ASAP2: variants seen among roughly 807,000 people sequenced by gnomAD.
ASAP2 encodes arf-GAP with SH3 domain, ANK repeat and PH domain-containing protein 2.
ASAP2 carries 45 observed loss-of-function variants against 131.4 expected under a neutral mutation model. The observed-to-expected ratio is 0.34, with a 90% CI of 0.27 to 0.44. The LOEUF (loss-of-function observed/expected upper bound fraction) is 0.44, where lower values mean the gene tolerates loss of function less well. Among genes scored for constraint, ASAP2 ranks in the 20% least tolerant of loss-of-function variants. The pLI is 1.00. For missense variants in ASAP2, 1,011 were observed against 1,297.0 expected, an observed-to-expected ratio of 0.78 and a Z score of 3.39; for synonymous variants, 510 against 503.0, an observed-to-expected ratio of 1.01 and a Z score of -0.19.
Position 9,232,832 on chromosome 2 carries a change from G to A in ASAP2, c.126+25602G>A, listed in dbSNP as rs897176736. ...CTTGATTCTTAGAGGGTAATGGTTC[G>A]AAAGTTGAATTAGTGAGTGTAAATC... On this transcript the variant is annotated intron_variant, in intron 1 of 27. Coordinates refer to ENST00000281419, the MANE Select transcript of ASAP2 (RefSeq NM_003887.3). The surrounding 1 kb of genome is among the most constrained non-coding windows in gnomAD (Gnocchi z 4.1). 3.3e-5 allele frequency among the ~76,000 whole-genome samples: 5 copies of A among 152,134 alleles called. No individual in the cohort carries two copies. Among genetic ancestry groups the A allele is most frequent in the Non-Finnish European group, 5.9e-5 (4 of 68,016 alleles).
At chr2:9,212,205 A>G (rs1661610529) in intron 1 of ASAP2, among the ~76,000 whole-genome samples, 1 of 152,150 alleles carries the variant, frequency 6.6e-6, no homozygotes, top group African/African-American at 2.4e-5. Context: ...CAAGAAGAAT[A>G]TGTCCTCTCT....
chr2:9,335,196 T>C lies in ASAP2; in HGVS notation c.849+17T>C, dbSNP rs1671119607. 1 of 1,611,440 alleles carries C rather than the reference T, an allele frequency of 6.2e-7. No individual in the cohort carries two copies. The highest frequency in any genetic ancestry group is 1.1e-5 in the South Asian group (1 of 91,002). ...CAGAAAGAGGTGAGGGGATTTAATT[T>C]TGAAAGATTGCAGTTTTCACCCCAT... On this transcript the variant is annotated intron_variant, in intron 9 of 27. Transcript: ENST00000281419.
At chr2:9,313,271 T>G (rs1669431567) in intron 3 of ASAP2, among the ~76,000 whole-genome samples, 2 of 152,210 alleles carry the variant, frequency 1.3e-5, no homozygotes, top group Admixed American at 6.5e-5. Flanking sequence ...GTTGATCTCT[T>G]CTCACCCTAA....
At chr2:9,388,576 A>G (rs1675480689) in intron 22 of ASAP2, 30 bp downstream of exon 22, 3 of 1,596,830 alleles carry the variant, frequency 1.9e-6, no homozygotes, top group South Asian at 1.1e-5. Context: ...CCCTGTGAAT[A>G]TATAGAGGGT....
At position 9,308,734 on chromosome 2, in the gene ASAP2, C is replaced by T. The variant is rs145634845; in HGVS notation, c.346-9790C>T. Among the ~76,000 whole-genome samples the T allele has an allele frequency of 3.9e-5, 6 of 152,192 alleles. No homozygotes were observed. In the East Asian group the frequency reaches 5.8e-4, roughly 15 times the overall value. ...CTGGCTTCACTGTTCTAGCCAACTC[C>T]GCTGCTAATAGTTGTGTGATTTGGA... On this transcript the variant is annotated intron_variant, in intron 3 of 27. Transcript: ENST00000281419.
At chr2:9,356,628 G>A (rs1271338759) in intron 14 of ASAP2, among the ~76,000 whole-genome samples, 1 of 152,170 alleles carries the variant, frequency 6.6e-6, no homozygotes, top group Non-Finnish European at 1.5e-5. Flanking sequence ...AAAACTGAAG[G>A]GTACAGTGAG....
intron 3 of ASAP2, among the ~76,000 whole-genome samples, chr2:9,303,328 T>A (rs1362620125): frequency 2.0e-5 from 3 of 152,216 alleles, no homozygotes; most frequent in Non-Finnish European, 4.4e-5. Flanking sequence ...CATTTGCTTT[T>A]TAATATTCTG....
intron 1 of ASAP2, among the ~76,000 whole-genome samples, chr2:9,266,997 C>T (rs1665987415): frequency 6.6e-6 from 1 of 152,160 alleles, no homozygotes; most frequent in South Asian, 2.1e-4. Context: ...CTGAAGTTCA[C>T]TTTCATTTTG....
chr2:9,302,082 CA>C (rs1668517270), intron 3 of ASAP2, among the ~76,000 whole-genome samples: 2 of 147,974 alleles, frequency 1.4e-5, no homozygotes, highest in East Asian at 2.0e-4. Flanking sequence ...CTTGGCCTCC[CA>C]AAGTGCAGGG....
intron 19 of ASAP2, 64 bp from the exon 20 acceptor site, chr2:9,380,677 C>T: frequency 6.8e-7 from 1 of 1,468,796 alleles, no homozygotes; most frequent in Non-Finnish European, 9.5e-7. Flanking sequence ...TAAAAATTGT[C>T]CTGGATGTCA....
intron 20 of ASAP2, among the ~76,000 whole-genome samples, chr2:9,383,728 A>G (rs1007762806): frequency 6.6e-6 from 1 of 152,150 alleles, no homozygotes; most frequent in Non-Finnish European, 1.5e-5. Context: ...TTATTGCGGC[A>G]CTATTCACAA....
intron 15 of ASAP2, among the ~76,000 whole-genome samples, chr2:9,361,607 A>T (rs1673084682): frequency 6.6e-6 from 1 of 150,406 alleles, no homozygotes; most frequent in Non-Finnish European, 1.5e-5. Context: ...TCACTCCATG[A>T]CCCAGGCTGG....
chr2:9,249,984 G>T (rs1355992535), intron 1 of ASAP2, among the ~76,000 whole-genome samples: 1 of 152,172 alleles, frequency 6.6e-6, no homozygotes. Flanking sequence ...CAGGGCTTGG[G>T]GTCAAATCTG....
In ASAP2 at chr2:9,206,944, G is replaced by A. The variant is rs938985472; in HGVS notation, c.-161G>A. Reference sequence around the variant, plus strand: ...CGGGGCTGCGCGCCGCCCCTGCTCCGCCGCCAGGCCCCGCGCGGCTCCCGC... The same window carrying A: ...CGGGGCTGCGCGCCGCCCCTGCTCCACCGCCAGGCCCCGCGCGGCTCCCGC... On this transcript the variant is annotated 5_prime_UTR_variant, in exon 1 of 28. Transcript: ENST00000281419. The surrounding 1 kb of genome is among the most constrained non-coding windows in gnomAD (Gnocchi z 4.0). The A allele has an allele frequency of 1.6e-6, 1 of 612,282 alleles. No individual in the cohort carries two copies. Among genetic ancestry groups the A allele is most frequent in the Non-Finnish European group, 2.0e-6 (1 of 491,692 alleles). The allele number at this position is 612,282 out of a possible 1,614,324, so 37.9% of individuals were successfully genotyped here.
chr2:9,270,814 A>C (rs1261639711), intron 1 of ASAP2, among the ~76,000 whole-genome samples: 1 of 57,486 alleles, frequency 1.7e-5, no homozygotes, highest in Non-Finnish European at 3.5e-5. Flanking sequence ...TTTTTTTGAG[A>C]CGGAGTCTCG....
rs529953321 is a variant in ASAP2 at position 9,250,531 on chromosome 2, C to T, written c.127-28786C>T. 2.0e-5 allele frequency among the ~76,000 whole-genome samples: 3 copies of T among 152,270 alleles called. No individual in the cohort carries two copies. The East Asian group carries it at 5.8e-4, about 29-fold the overall frequency. On this transcript the variant is annotated intron_variant, in intron 1 of 27. Transcript: ENST00000281419. Reference sequence around the variant, plus strand: ...GGAGGTGTAAAAGTGTTTTCCCATTCCACAGAGGGTACAAAAGGATACAGG... The same window carrying T: ...GGAGGTGTAAAAGTGTTTTCCCATTTCACAGAGGGTACAAAAGGATACAGG...
intron 1 of ASAP2, among the ~76,000 whole-genome samples, chr2:9,210,930 C>G (rs190703479): frequency 0.012 from 1,783 of 151,832 alleles, 28 homozygotes; most frequent in African/African-American, 0.04. Context: ...CCAAGGCGGG[C>G]AGATCACTTG....
intron 3 of ASAP2, among the ~76,000 whole-genome samples, chr2:9,300,934 A>G (rs1668435271): frequency 6.6e-6 from 1 of 152,228 alleles, no homozygotes; most frequent in Non-Finnish European, 1.5e-5. Flanking sequence ...ATGAGCCAAA[A>G]TTAGCACTCA....
At position 9,393,661 on chromosome 2, in the gene ASAP2, A is replaced by G; in HGVS notation, c.2684+14A>G. 6.4e-7 allele frequency: 1 copy of G among 1,554,090 alleles called. No individual in the cohort carries two copies. Among genetic ancestry groups the G allele is most frequent in the East Asian group, 2.4e-5 (1 of 42,068 alleles). ...GCCTGCGCCGGGGTAAGCCACCCCC[A>G]GCCAGCTCGGCCATCCGTGCTCCTG... On this transcript the variant is annotated intron_variant, in intron 24 of 27. Coordinates refer to ENST00000281419, the MANE Select transcript of ASAP2 (RefSeq NM_003887.3).
Sources: gnomAD v4.1 joint callset for allele counts (sites outside exome capture counted in the v4.1 genomes callset) on GRCh38, gnomAD v4.1.1 for gene constraint, Gnocchi (gnomAD v3.1) non-coding constraint, MANE v1.5 for transcripts, NCBI Gene and HGNC (gene_info 2026-07-23, HGNC 2026-07-21) for gene names.